AP1G1: variants seen among roughly 807,000 people sequenced by gnomAD.
AP1G1 encodes AP-1 complex subunit gamma-1.
In AP1G1, 7 loss-of-function variants were observed where a neutral mutation model predicts 108.3. The ratio of observed to expected loss-of-function variants is 0.06; its 90% CI spans 0.04 to 0.12. The LOEUF (loss-of-function observed/expected upper bound fraction) is 0.12, where lower values mean the gene tolerates loss of function less well. Ranked by LOEUF, AP1G1 falls within the 10% of genes least tolerant of loss-of-function variation. The pLI is 1.00. For missense variants in AP1G1, 756 were observed against 1,010.7 expected, an observed-to-expected ratio of 0.75 and a Z score of 3.42; for synonymous variants, 379 against 353.5, an observed-to-expected ratio of 1.07 and a Z score of -0.81.
At chr16:71,734,935 T>TAA (rs2045515102) in intron 21 of AP1G1, among the ~76,000 whole-genome samples, 1 of 152,226 alleles carries the variant, frequency 6.6e-6, no homozygotes, top group Non-Finnish European at 1.5e-5. Flanking sequence ...TGACAACTAG[T>TAA]AATAAACCAC....
chr16:71,736,224 G>A (rs906456643), intron 21 of AP1G1, among the ~76,000 whole-genome samples: 3 of 143,096 alleles, frequency 2.1e-5, no homozygotes, highest in Non-Finnish European at 4.5e-5. Context: ...TTCATTAAAT[G>A]TAAGATACCA....
chr16:71,798,374 T>C (rs914336204), intron 1 of AP1G1, among the ~76,000 whole-genome samples: 3 of 152,074 alleles, frequency 2.0e-5, no homozygotes, highest in African/African-American at 7.2e-5. Flanking sequence ...AATTTTTTTG[T>C]ATTTTTAGTA....
chr16:71,788,677 A>AAG (rs2032295059), intron 2 of AP1G1, among the ~76,000 whole-genome samples: 1 of 151,850 alleles, frequency 6.6e-6, no homozygotes, highest in East Asian at 1.9e-4. Flanking sequence ...TAAAAAAAAA[A>AAG]GAAATAGGAT....
At chr16:71,774,368 C>CA in intron 3 of AP1G1, 100 bp downstream of exon 3, 1 of 1,333,390 alleles carries the variant, frequency 7.5e-7, no homozygotes, top group Non-Finnish European at 1.0e-6. Flanking sequence ...CACGCCACTT[C>CA]ACTCCAGCCT....
intron 1 of AP1G1, among the ~76,000 whole-genome samples, chr16:71,799,789 C>A (rs1190705237): frequency 6.6e-6 from 1 of 151,926 alleles, no homozygotes; most frequent in Non-Finnish European, 1.5e-5. Flanking sequence ...GTCCCAGCTA[C>A]TCGGGAGGCT....
In AP1G1 at chr16:71,746,921, T is replaced by A. The variant is rs541527324; in HGVS notation, c.1626-229A>T. On this transcript the variant is annotated intron_variant, in intron 16 of 22. Coordinates refer to ENST00000299980, the MANE Select transcript of AP1G1 (RefSeq NM_001128.6). ...AGATTTTTGTCTGTTAAATATGCCA[T>A]CCCCATTCAGCAACAATGATGGTGT... The A allele has an allele frequency of 2.2e-5, 8 of 356,688 alleles. No homozygotes were observed. In the South Asian group the frequency reaches 3.3e-4, roughly 15 times the overall value. The allele number at this position is 356,688 out of a possible 1,614,324, so 22.1% of individuals were successfully genotyped here.
At chr16:71,788,281 T>C (rs2032280452) in intron 2 of AP1G1, among the ~76,000 whole-genome samples, 1 of 152,142 alleles carries the variant, frequency 6.6e-6, no homozygotes, top group African/African-American at 2.4e-5. Context: ...AGAGACTATT[T>C]AGCATATAAT....
chr16:71,801,545 AAAC>A (rs1045030178), intron 1 of AP1G1, among the ~76,000 whole-genome samples: 4 of 152,234 alleles, frequency 2.6e-5, no homozygotes, highest in African/African-American at 7.2e-5. Flanking sequence ...ACTACAGGGT[AAAC>A]ACTATAGGGT....
intron 1 of AP1G1, among the ~76,000 whole-genome samples, chr16:71,802,988 G>A (rs2032861043): frequency 6.6e-6 from 1 of 152,106 alleles, no homozygotes; most frequent in Non-Finnish European, 1.5e-5. Flanking sequence ...GCTGAAGCAG[G>A]TGAATCACCT....
chr16:71,736,117 A>AATATATATATAT (rs1306238313), intron 21 of AP1G1, among the ~76,000 whole-genome samples: 1 of 71,636 alleles, frequency 1.4e-5, no homozygotes, highest in African/African-American at 6.2e-5. Flanking sequence ...AAAAAAAAAA[A>AATATATATATAT]ATATATATAT....
chr16:71,732,186 CTATGAA>C lies in AP1G1; in HGVS notation c.*866_*871del, dbSNP rs1343908805. The C allele has an allele frequency of 6.6e-6, 1 of 152,240 alleles. No individual in the cohort carries two copies. The highest frequency in any genetic ancestry group is 1.5e-5 in the Non-Finnish European group (1 of 68,038). The allele number at this position is 152,240 out of a possible 1,614,324, so 9.4% of individuals were successfully genotyped here. On this transcript the variant is annotated 3_prime_UTR_variant, in exon 23 of 23. Coordinates refer to ENST00000299980, the MANE Select transcript of AP1G1 (RefSeq NM_001128.6). ...GTGGTGGGAATAGGGTCATTAATAA[CTATGAA>C]TATATCTTTTAGAAGGTGACCATTT... is the stretch of plus-strand genomic sequence containing the variant.
rs754476216 is a variant in AP1G1, at chr16:71,730,437, G to GA, written c.*2620dup. 1 of 152,318 alleles carries GA rather than the reference G, an allele frequency of 6.6e-6. No homozygotes were observed. Among genetic ancestry groups the GA allele is most frequent in the Non-Finnish European group, 1.5e-5 (1 of 68,052 alleles). The allele number at this position is 152,318 out of a possible 1,614,324, so 9.4% of individuals were successfully genotyped here. On this transcript the variant is annotated 3_prime_UTR_variant, in exon 23 of 23. Coordinates refer to ENST00000299980, the MANE Select transcript of AP1G1 (RefSeq NM_001128.6). Reference sequence around the variant, plus strand: ...CCCCAGGGTTATCAAAACAGCCTTGGAAAATGCTCTTTCCTCACAATGCCT... The same window carrying GA: ...CCCCAGGGTTATCAAAACAGCCTTGGAAAAATGCTCTTTCCTCACAATGCCT...
chr16:71,788,138 T>C (rs1269460794), intron 2 of AP1G1, among the ~76,000 whole-genome samples: 1 of 152,140 alleles, frequency 6.6e-6, no homozygotes, highest in Non-Finnish European at 1.5e-5. Flanking sequence ...ATCCCAGTAC[T>C]TTTTTGTTTT....
At chr16:71,748,106 G>T in intron 16 of AP1G1, 145 bp downstream of exon 16, 1 of 820,838 alleles carries the variant, frequency 1.2e-6, no homozygotes, top group Non-Finnish European at 1.9e-6. Flanking sequence ...TGTGACTGTG[G>T]AGAAATAAGT....
rs2145436335 is a variant in AP1G1, at chr16:71,749,758, T to A, written c.1497+136A>T. On this transcript the variant is annotated intron_variant, in intron 15 of 22. Transcript: ENST00000299980. ...CTCCCATCTCAGCCTCCCAAAGCGC[T>A]GGGATTATAGGCATGAGCCACCACG... 3 of 714,204 alleles carry A rather than the reference T, an allele frequency of 4.2e-6. No individual in the cohort carries two copies. In the East Asian group the frequency reaches 7.8e-5, roughly 18 times the overall value. 44.2% of individuals were successfully genotyped at this position (714,204 alleles called of 1,614,324 possible).
chr16:71,776,206 CCA>C (rs2031775282), intron 2 of AP1G1, among the ~76,000 whole-genome samples: 1 of 152,172 alleles, frequency 6.6e-6, no homozygotes, highest in African/African-American at 2.4e-5. Context: ...TAAAACAGTT[CCA>C]CAGAGTTGTT....
intron 13 of AP1G1, chr16:71,750,613 A>C: frequency 3.3e-6 from 1 of 302,896 alleles, no homozygotes; most frequent in Non-Finnish European, 6.3e-6. Flanking sequence ...ATGGGGTTTC[A>C]CCATGTTGGT....
At chr16:71,807,844 G>A (rs1474477318) in intron 1 of AP1G1, 3 of 1,288,938 alleles carry the variant, frequency 2.3e-6, no homozygotes, top group African/African-American at 3.0e-5. Flanking sequence ...CCGTGCTCAG[G>A]GATATATAAT....
intron 2 of AP1G1, among the ~76,000 whole-genome samples, chr16:71,775,017 G>A (rs1441789743): frequency 7.9e-6 from 1 of 126,930 alleles, no homozygotes; most frequent in Non-Finnish European, 1.6e-5. Context: ...CACCGCGCCT[G>A]GCTTTTTTTT....
Sources: allele counts gnomAD v4.1 joint callset (sites outside exome capture counted in the v4.1 genomes callset), GRCh38; gene constraint gnomAD v4.1.1; transcripts MANE v1.5; gene names NCBI Gene and HGNC (gene_info 2026-07-23, HGNC 2026-07-21).